Variants in TLCD3B observed in about 807,000 individuals in gnomAD.
The protein encoded by TLCD3B is ceramide synthase.
Under a neutral mutation model 23.0 loss-of-function variants are expected in TLCD3B, and 9 were observed. The ratio of observed to expected loss-of-function variants is 0.39; its 90% CI spans 0.24 to 0.68. The LOEUF is 0.68. Ranked by LOEUF, TLCD3B falls within the 30% of genes least tolerant of loss-of-function variation. TLCD3B has a pLI of 0.44. For missense variants in TLCD3B, 307 were observed against 371.8 expected (o/e 0.83, Z 1.43); for synonymous variants, 161 against 161.0 (o/e 1.00, Z 0.00).
chr16:30,047,857 T>C (rs1215669665), intron 1 of TLCD3B, among the ~76,000 whole-genome samples: 2 of 151,380 alleles, frequency 1.3e-5, no homozygotes, highest in African/African-American at 4.9e-5. Context: ...ACTCCTGGGC[T>C]CAGCCCTGGC....
intron 1 of TLCD3B, among the ~76,000 whole-genome samples, chr16:30,052,023 A>G (rs1263562121): frequency 6.6e-6 from 1 of 152,062 alleles, no homozygotes; most frequent in East Asian, 1.9e-4. Context: ...GCTTGAGCCC[A>G]GGAGTTCAAG....
chr16:30,051,936 G>A (rs769637590), intron 1 of TLCD3B, among the ~76,000 whole-genome samples: 20 of 152,322 alleles, frequency 1.3e-4, no homozygotes, highest in Non-Finnish European at 2.4e-4. Context: ...CACTGGTTCA[G>A]GAAGCTTCAG....
At chr16:30,028,758 C>CAA (rs2071253363) in intron 2 of TLCD3B, among the ~76,000 whole-genome samples, 1 of 152,156 alleles carries the variant, frequency 6.6e-6, no homozygotes, top group Non-Finnish European at 1.5e-5. Context: ...ACAAAGGGGG[C>CAA]GTTGTGGGCA....
intron 2 of TLCD3B, among the ~76,000 whole-genome samples, chr16:30,042,329 G>A (rs1014835444): frequency 3.3e-5 from 5 of 151,778 alleles, no homozygotes; most frequent in African/African-American, 7.3e-5. Context: ...ATCTGCCCCC[G>A]CTGGGTTCAA....
chr16:30,036,457 C>A, intron 3 of TLCD3B: 2 of 1,221,480 alleles, frequency 1.6e-6, no homozygotes, highest in Non-Finnish European at 1.0e-6. Context: ...ATGAAGGGAA[C>A]CAGGTCCTGC....
chr16:30,036,045 G>T, upstream of TLCD3B: 4 of 1,064,874 alleles, frequency 3.8e-6, no homozygotes, highest in South Asian at 6.4e-5. Context: ...TTACAGGCAT[G>T]AGCCACTGCA....
intron 3 of TLCD3B, among the ~76,000 whole-genome samples, chr16:30,037,411 C>A (rs1596765889): frequency 6.6e-6 from 1 of 151,138 alleles, no homozygotes; most frequent in African/African-American, 2.4e-5. Flanking sequence ...GGCGCGTTGG[C>A]GGGCGCCTGT....
rs996703452 is a variant in TLCD3B, at chr16:30,025,971, C to T, written c.445-150G>A. 1.7e-5 allele frequency: 11 copies of T among 643,706 alleles called. No individual in the cohort carries two copies. The highest frequency in any genetic ancestry group is 5.5e-5 in the African/African-American group (3 of 54,948). 39.9% of individuals were successfully genotyped at this position (643,706 alleles called of 1,614,324 possible). ...GTGCAGGGCTGGGTGCAGTGGCTCA[C>T]GCCGGTAATCCCAGCACTTTGGGAG... On this transcript the variant is annotated intron_variant, in intron 3 of 4. Coordinates refer to ENST00000380495, the MANE Select transcript of TLCD3B (RefSeq NM_031478.6). This position sits in a 1 kb window ranked among gnomAD's most constrained non-coding sequence, Gnocchi z 4.1.
Position 30,026,777 on chromosome 16 carries a change from C to CATGGCGTAG in TLCD3B, c.267_275dup (p.Ile89_Ala91dup), listed in dbSNP as rs762387425. The CATGGCGTAG allele has an allele frequency of 6.2e-7, 1 of 1,614,180 alleles. No individual in the cohort carries two copies. The highest frequency in any genetic ancestry group is 8.5e-7 in the Non-Finnish European group (1 of 1,180,036). On this transcript the variant is annotated inframe_insertion, in exon 3 of 5. Transcript: ENST00000380495. ...GGTGCTTGTGCCAGTGACAGAGGAA[C>CATGGCGTAG]ATGGCGTAGATGTCGTAGATGAAGT...
upstream of TLCD3B, among the ~76,000 whole-genome samples, chr16:30,032,243 C>G (rs965893273): frequency 2.6e-5 from 4 of 152,148 alleles, no homozygotes; most frequent in African/African-American, 9.7e-5. Context: ...GCCTCCCATC[C>G]TGCTCCCAAC....
intron 3 of TLCD3B, among the ~76,000 whole-genome samples, chr16:30,040,147 A>AAAATATATATATAT: frequency 6.3e-5 from 6 of 95,908 alleles, no homozygotes; most frequent in Admixed American, 3.8e-4. Flanking sequence ...AAAAAAAAAA[A>AAAATATATATATAT]ATATATATAT....
At chr16:30,027,248 T>C (rs2071186768) in intron 2 of TLCD3B, 1 of 446,774 alleles carries the variant, frequency 2.2e-6, no homozygotes, top group Non-Finnish European at 4.5e-6. Flanking sequence ...GGGGCGAGAG[T>C]GCTGGAGAGA....
At chr16:30,034,410 CAAAAA>C (rs34825633), upstream of TLCD3B, among the ~76,000 whole-genome samples, 9 of 116,046 alleles carry the variant, frequency 7.8e-5, no homozygotes, top group African/African-American at 2.6e-4. Flanking sequence ...CTGTCTCTAC[CAAAAA>C]AAAAAAAAAA....
rs757482162 is a variant in TLCD3B at position 30,025,432 on chromosome 16, G to T, written c.576C>A (p.Asn192Lys). ...GGAAGCTGAGCAGCATCAGGGCCCC[G>T]TTCACCTTGTGCAGCAGTGTGTGCT... ...KQQHTLLHKV[N>K]GALMLLSFLC... Residue 192 changes from asparagine to lysine, a missense_variant, in exon 5 of 5, where the codon AAC (asparagine) becomes AAA (lysine). By Grantham distance (94) the Asn-to-Lys change is moderately conservative (BLOSUM62 0). Transcript: ENST00000380495. This position sits in a 1 kb window ranked among gnomAD's most constrained non-coding sequence, Gnocchi z 4.1. 6.2e-7 allele frequency: 1 copy of T among 1,612,452 alleles called. No individual in the cohort carries two copies. The highest frequency in any genetic ancestry group is 8.5e-7 in the Non-Finnish European group (1 of 1,179,554).
In TLCD3B at chr16:30,024,942, C is replaced by T. The variant is rs558852264; in HGVS notation, c.*241G>A. 57 of 455,000 alleles carry T rather than the reference C, an allele frequency of 1.3e-4. 1 individual carries two copies. In the Admixed American group the frequency reaches 1.3e-3, roughly 10 times the overall value. The allele number at this position is 455,000 out of a possible 1,614,324, so 28.2% of individuals were successfully genotyped here. On this transcript the variant is annotated 3_prime_UTR_variant, in exon 5 of 5. Transcript: ENST00000380495. The stretch of plus-strand genomic sequence containing the variant: ...CCTCCTGCCCTCAGTGGGTGGGAGG[C>T]GGTGCCCCCTCCCCTCCTCCAGCGC...
intron 3 of TLCD3B, among the ~76,000 whole-genome samples, chr16:30,038,216 G>T (rs2071509701): frequency 6.6e-6 from 1 of 152,036 alleles, no homozygotes; most frequent in Non-Finnish European, 1.5e-5. Flanking sequence ...GTGAGGTTGG[G>T]TTAATAATTA....
chr16:30,027,068 A>G (rs2071176015), intron 2 of TLCD3B: 1 of 659,612 alleles, frequency 1.5e-6, no homozygotes, highest in Admixed American at 2.1e-5. Flanking sequence ...GAACTCACCC[A>G]TGTTCCTCTC....
At chr16:30,051,521 CA>C (rs199594296) in intron 1 of TLCD3B, among the ~76,000 whole-genome samples, 2,252 of 62,836 alleles carry the variant, frequency 0.036, 43 homozygotes, top group African/African-American at 0.097. Context: ...AACTCCGTTT[CA>C]AAAAAAAAAA....
intron 1 of TLCD3B, chr16:30,030,009 G>T: frequency 7.6e-7 from 1 of 1,321,334 alleles, no homozygotes; most frequent in South Asian, 1.2e-5. Context: ...CTGTTCTAGG[G>T]GTGTAGAGTT....
Sources: allele counts gnomAD v4.1 joint callset (sites outside exome capture counted in the v4.1 genomes callset), GRCh38; gene constraint gnomAD v4.1.1; non-coding constraint Gnocchi (gnomAD v3.1); transcripts MANE v1.5; gene names NCBI Gene and HGNC (gene_info 2026-07-23, HGNC 2026-07-21).